Variants in COL13A1 observed in about 807,000 individuals in gnomAD.
COL13A1 encodes the protein collagen type XIII alpha 1 chain.
In COL13A1, 89 loss-of-function variants were observed where a neutral mutation model predicts 130.9. The observed-to-expected ratio is 0.68, with a 90% CI of 0.57 to 0.81. The LOEUF is 0.81. Among genes scored for constraint, COL13A1 ranks in the 30% least tolerant of loss-of-function variants. COL13A1 has a pLI of 0.00. For synonymous variants in COL13A1, 402 were observed against 341.6 expected (o/e 1.18, Z -1.95); for missense variants, 879 against 934.6 (o/e 0.94, Z 0.78).
chr10:69,838,686 T>C (rs568641834), intron 2 of COL13A1, among the ~76,000 whole-genome samples: 1 of 152,352 alleles, frequency 6.6e-6, no homozygotes, highest in South Asian at 2.1e-4. Flanking sequence ...AAGCTGCTTT[T>C]TGACTGCAGC....
At chr10:69,814,800 C>T (rs1303755095) in intron 1 of COL13A1, among the ~76,000 whole-genome samples, 2 of 152,100 alleles carry the variant, frequency 1.3e-5, no homozygotes, top group Non-Finnish European at 2.9e-5. Flanking sequence ...AGTTTGGGGG[C>T]CATCTGTGCC....
chr10:69,944,117 C>A lies in COL13A1; in HGVS notation c.1915-8C>A. On this transcript the variant is annotated splice_polypyrimidine_tract_variant and splice_region_variant and intron_variant, in intron 35 of 40. Coordinates refer to ENST00000645393, the MANE Select transcript of COL13A1 (RefSeq NM_001368882.1). ...GACCCTCACCTCTGCTTTCTTTCCC[C>A]TTCCCAGGGTACTCCAGGACCAATT... The A allele has an allele frequency of 6.2e-7, 1 of 1,613,366 alleles. No homozygotes were observed. Among genetic ancestry groups the A allele is most frequent in the Non-Finnish European group, 8.5e-7 (1 of 1,179,400 alleles).
In COL13A1 at chr10:69,899,139, G is replaced by T. The variant is rs187127967; in HGVS notation, c.750+377G>T. ...TTAACCAAGTTGCCAAGGTCACACAGCCAGTACATTGCAGAGTGGGGATTT... is the reference window on the plus strand; with the variant it reads ...TTAACCAAGTTGCCAAGGTCACACATCCAGTACATTGCAGAGTGGGGATTT... On this transcript the variant is annotated intron_variant, in intron 14 of 40. Transcript: ENST00000645393. Among the ~76,000 whole-genome samples the T allele has an allele frequency of 1.1e-4, 16 of 152,326 alleles. No homozygotes were observed. The East Asian group carries it at 2.5e-3, about 24-fold the overall frequency.
intron 2 of COL13A1, among the ~76,000 whole-genome samples, chr10:69,837,575 T>C (rs1329072699): frequency 6.6e-6 from 1 of 152,216 alleles, no homozygotes. Context: ...CACAACTATT[T>C]CTAGGGATGA....
chr10:69,824,168 C>T (rs1229257158), intron 2 of COL13A1: 3 of 472,116 alleles, frequency 6.4e-6, no homozygotes, highest in Non-Finnish European at 1.3e-5. Context: ...GGACAATAGA[C>T]ACCAGCAAGG....
At chr10:69,933,475 C>T (rs988831035) in intron 31 of COL13A1, among the ~76,000 whole-genome samples, 12 of 152,264 alleles carry the variant, frequency 7.9e-5, no homozygotes, top group Admixed American at 5.2e-4. Context: ...CGGAAAGCAA[C>T]GGAGATCAAG....
At chr10:69,824,416 A>T (rs1027161439) in intron 2 of COL13A1, among the ~76,000 whole-genome samples, 4 of 152,200 alleles carry the variant, frequency 2.6e-5, no homozygotes, top group Admixed American at 2.0e-4. Context: ...CAAGTCCATC[A>T]TCAGAGTGGG....
intron 14 of COL13A1, among the ~76,000 whole-genome samples, chr10:69,902,108 C>T (rs531160756): frequency 1.2e-4 from 19 of 152,290 alleles, no homozygotes; most frequent in African/African-American, 3.1e-4. Context: ...ACTCCTTGGA[C>T]GTAGGAATGT....
chr10:69,940,883 T>C, intron 34 of COL13A1, 105 bp from the exon 35 acceptor site: 1 of 1,473,922 alleles, frequency 6.8e-7, no homozygotes, highest in Non-Finnish European at 9.5e-7. Flanking sequence ...TTTATGTCTG[T>C]CCAGAGTCAC....
intron 23 of COL13A1, 126 bp downstream of exon 23, chr10:69,922,920 G>T: frequency 3.3e-6 from 2 of 604,340 alleles, no homozygotes; most frequent in Non-Finnish European, 5.5e-6. Flanking sequence ...CCAGATGTGT[G>T]GTTTTCCCCA....
At chr10:69,820,811 C>G (rs560799293) in intron 1 of COL13A1, among the ~76,000 whole-genome samples, 1 of 152,300 alleles carries the variant, frequency 6.6e-6, no homozygotes, top group African/African-American at 2.4e-5. Flanking sequence ...CTTCCTCCAG[C>G]AGGTGGAGCG....
At chr10:69,916,817 G>A (rs1233476035) in intron 17 of COL13A1, among the ~76,000 whole-genome samples, 2 of 152,138 alleles carry the variant, frequency 1.3e-5, no homozygotes, top group Admixed American at 6.5e-5. Context: ...AGAGAAGAGA[G>A]CTCCTGTCTG....
At chr10:69,835,810 T>C (rs1202430153) in intron 2 of COL13A1, among the ~76,000 whole-genome samples, 1 of 152,256 alleles carries the variant, frequency 6.6e-6, no homozygotes, top group East Asian at 1.9e-4. Flanking sequence ...CAGATAAGGC[T>C]GGAGGACATT....
chr10:69,929,787 G>A (rs1034326898), intron 28 of COL13A1, among the ~76,000 whole-genome samples: 5 of 152,318 alleles, frequency 3.3e-5, no homozygotes, highest in African/African-American at 9.6e-5. Flanking sequence ...TGGACATGGA[G>A]CCAGAGCGCC....
At chr10:69,828,314 A>C (rs970597784) in intron 2 of COL13A1, among the ~76,000 whole-genome samples, 2 of 151,712 alleles carry the variant, frequency 1.3e-5, no homozygotes, top group South Asian at 4.2e-4. Flanking sequence ...GCCCCACCGC[A>C]TGTCCCATCT....
intron 2 of COL13A1, among the ~76,000 whole-genome samples, chr10:69,860,519 T>G (rs975891530): frequency 6.6e-6 from 1 of 152,200 alleles, no homozygotes; most frequent in African/African-American, 2.4e-5. Context: ...CCTTTCAGGT[T>G]CTCATCAGCT....
intron 2 of COL13A1, among the ~76,000 whole-genome samples, chr10:69,848,414 C>T (rs1345005583): frequency 6.6e-6 from 1 of 152,154 alleles, no homozygotes; most frequent in Non-Finnish European, 1.5e-5. Context: ...ATTAGTTCCA[C>T]TTTATAAAGA....
In COL13A1 at chr10:69,875,120, A is replaced by G. The variant is rs765457334; in HGVS notation, c.400-8A>G. On this transcript the variant is annotated splice_polypyrimidine_tract_variant and splice_region_variant and intron_variant, in intron 4 of 40. Transcript: ENST00000645393. ...ACATCTGACTGTTTCTGCCTCCTTC[A>G]TCATCAGGGGGACAAAGGTGCCATT... The G allele has an allele frequency of 1.9e-6, 3 of 1,613,934 alleles. No homozygotes were observed. Among genetic ancestry groups the G allele is most frequent in the South Asian group, 2.2e-5 (2 of 91,060 alleles).
chr10:69,875,374 A>G (rs1004865206), intron 5 of COL13A1, among the ~76,000 whole-genome samples: 1 of 152,036 alleles, frequency 6.6e-6, no homozygotes, highest in Non-Finnish European at 1.5e-5. Flanking sequence ...GTATGGCACT[A>G]CTCTCCAGAG....
Sources: gnomAD v4.1 joint callset for allele counts (sites outside exome capture counted in the v4.1 genomes callset) on GRCh38, gnomAD v4.1.1 for gene constraint, MANE v1.5 for transcripts, NCBI Gene and HGNC (gene_info 2026-07-23, HGNC 2026-07-21) for gene names.